Variants in LRRC49 observed in about 807,000 individuals in gnomAD.
LRRC49 encodes the protein leucine-rich repeat-containing protein 49.
LRRC49 carries 50 observed loss-of-function variants against 83.3 expected under a neutral mutation model. The observed-to-expected ratio is 0.60, with a 90% CI of 0.48 to 0.76. LRRC49 has a LOEUF of 0.76. LRRC49 is among the 30% of genes least tolerant of loss of function. LRRC49 has a pLI of 0.00. For synonymous variants in LRRC49, 286 were observed against 283.3 expected, an observed-to-expected ratio of 1.01 and a Z score of -0.10; for missense variants, 704 against 809.1, an observed-to-expected ratio of 0.87 and a Z score of 1.58.
chr15:70,883,783 T>C (rs1343735017), intron 2 of LRRC49, among the ~76,000 whole-genome samples: 1 of 151,786 alleles, frequency 6.6e-6, no homozygotes, highest in African/African-American at 2.4e-5. Flanking sequence ...GCCTCCCAAG[T>C]AGCTGGGATT....
intron 11 of LRRC49, among the ~76,000 whole-genome samples, chr15:70,988,545 G>A (rs1596106250): frequency 6.6e-6 from 1 of 152,062 alleles, no homozygotes; most frequent in East Asian, 1.9e-4. Context: ...CATGTGAGAT[G>A]GGTTTCCTGA....
Position 71,046,999 on chromosome 15 carries a change from C to T in LRRC49, c.1858-2410C>T, listed in dbSNP as rs538907487. Among the ~76,000 whole-genome samples, 146 of 152,120 alleles carry T rather than the reference C, an allele frequency of 9.6e-4. 1 individual carries two copies. Among genetic ancestry groups the T allele is most frequent in the African/African-American group, 3.3e-3 (136 of 41,514 alleles). On this transcript the variant is annotated intron_variant, in intron 15 of 15. Transcript: ENST00000260382. ...GCCCTGTTGAAGATCAGATGGTTTT[C>T]GGTGTGCAGCTTTATTTCTGAGTTT...
intron 2 of LRRC49, among the ~76,000 whole-genome samples, chr15:70,877,879 C>T (rs542242106): frequency 1.1e-4 from 17 of 152,266 alleles, no homozygotes; most frequent in African/African-American, 4.1e-4. Context: ...CCTGTAATCC[C>T]AGCACTTTGG....
In LRRC49 at chr15:71,051,984, T is replaced by C. The variant is rs1452225176; in HGVS notation, c.*2372T>C. On this transcript the variant is annotated 3_prime_UTR_variant, in exon 16 of 16. Coordinates refer to ENST00000260382, the MANE Select transcript of LRRC49 (RefSeq NM_017691.5). ...TTCTACTTCTTGAATCCTTACTTTGTCGGGTCTCAAACGTCGAATGGCGAT... is the reference window on the plus strand; with the variant it reads ...TTCTACTTCTTGAATCCTTACTTTGCCGGGTCTCAAACGTCGAATGGCGAT... The C allele has an allele frequency of 6.6e-6, 1 of 152,254 alleles. No homozygotes were observed. Among genetic ancestry groups the C allele is most frequent in the African/African-American group, 2.4e-5 (1 of 41,448 alleles). The allele number at this position is 152,254 out of a possible 1,614,324, so 9.4% of individuals were successfully genotyped here.
At chr15:70,984,764 A>T (rs1455437792) in intron 11 of LRRC49, among the ~76,000 whole-genome samples, 1 of 142,252 alleles carries the variant, frequency 7.0e-6, no homozygotes, top group Non-Finnish European at 1.5e-5. Context: ...TATCTCCTAA[A>T]GCTATCCCTC....
intron 6 of LRRC49, chr15:70,918,345 C>G (rs527693641): frequency 1.3e-5 from 2 of 152,388 alleles, no homozygotes; most frequent in African/African-American, 4.8e-5. Flanking sequence ...GCAAAGGTAC[C>G]ACTGGCCACA....
rs553026947 is a variant in LRRC49, at chr15:70,882,594, T to C, written c.18+9371T>C. The C allele has an allele frequency of 8.7e-6, 14 of 1,614,064 alleles. No homozygotes were observed. The Admixed American group carries it at 1.8e-4, about 21-fold the overall frequency. ...GAAGTTCTAGACCACAATTCCTCTGTCTGAGTAGTTGCATTACACAGTCTT... is the reference window on the plus strand; with the variant it reads ...GAAGTTCTAGACCACAATTCCTCTGCCTGAGTAGTTGCATTACACAGTCTT... On this transcript the variant is annotated intron_variant, in intron 2 of 16. Transcript: ENST00000544974.
intron 1 of LRRC49, chr15:70,860,172 G>A (rs1595964108): frequency 1.5e-6 from 1 of 672,574 alleles, no homozygotes; most frequent in Non-Finnish European, 2.7e-6. Flanking sequence ...AACAGACGCG[G>A]CAGCCCCTCC....
At chr15:70,924,381 T>C (rs2035119147) in intron 7 of LRRC49, among the ~76,000 whole-genome samples, 1 of 152,046 alleles carries the variant, frequency 6.6e-6, no homozygotes, top group South Asian at 2.1e-4. Flanking sequence ...ATTTTCCCTA[T>C]GTTTTTATTT....
chr15:71,048,291 C>T (rs2039915660), intron 15 of LRRC49, among the ~76,000 whole-genome samples: 2 of 151,572 alleles, frequency 1.3e-5, no homozygotes, highest in African/African-American at 2.4e-5. Flanking sequence ...GATGGGGTCT[C>T]GCTATGTTGC....
chr15:70,953,861 T>G (rs1374153486), intron 8 of LRRC49, among the ~76,000 whole-genome samples: 1 of 151,984 alleles, frequency 6.6e-6, no homozygotes, highest in Non-Finnish European at 1.5e-5. Flanking sequence ...TTCAAAGGAG[T>G]GACCTTCAAG....
intron 1 of LRRC49, among the ~76,000 whole-genome samples, chr15:70,870,325 A>G (rs1361601837): frequency 1.3e-5 from 2 of 152,246 alleles, no homozygotes; most frequent in Non-Finnish European, 2.9e-5. Flanking sequence ...GTATCACACT[A>G]GCTCAACTGT....
At chr15:70,864,096 G>A (rs1366474558) in intron 1 of LRRC49, among the ~76,000 whole-genome samples, 1 of 152,164 alleles carries the variant, frequency 6.6e-6, no homozygotes, top group Non-Finnish European at 1.5e-5. Flanking sequence ...ACACCAGGTG[G>A]TGACTAGCTA....
chr15:71,029,571 T>A (rs2039283182), intron 14 of LRRC49, among the ~76,000 whole-genome samples: 1 of 152,124 alleles, frequency 6.6e-6, no homozygotes, highest in Non-Finnish European at 1.5e-5. Flanking sequence ...ATCCTGAATA[T>A]CCTTGTTAAT....
intron 14 of LRRC49, among the ~76,000 whole-genome samples, chr15:71,015,280 G>A (rs1449468341): frequency 1.3e-5 from 2 of 152,116 alleles, no homozygotes; most frequent in East Asian, 1.9e-4. Context: ...GATATGCAGC[G>A]GCAGTCCTCA....
chr15:70,912,665 T>A (rs975536408), intron 6 of LRRC49, among the ~76,000 whole-genome samples: 11 of 151,368 alleles, frequency 7.3e-5, no homozygotes, highest in African/African-American at 1.5e-4. Flanking sequence ...TCTATATTTA[T>A]TTTATTTATT....
intron 9 of LRRC49, among the ~76,000 whole-genome samples, chr15:70,968,298 C>T (rs180723718): frequency 3.4e-4 from 51 of 152,198 alleles, no homozygotes; most frequent in Non-Finnish European, 5.3e-4. Context: ...CATCCATGTC[C>T]GTACAAAGGA....
intron 11 of LRRC49, among the ~76,000 whole-genome samples, chr15:71,005,277 G>A (rs2038417863): frequency 6.6e-6 from 1 of 151,804 alleles, no homozygotes; most frequent in Non-Finnish European, 1.5e-5. Context: ...TTTCCCCTCT[G>A]GAAGAATTAG....
At chr15:71,019,881 A>C (rs1359611156) in intron 14 of LRRC49, among the ~76,000 whole-genome samples, 3 of 152,226 alleles carry the variant, frequency 2.0e-5, no homozygotes, top group Non-Finnish European at 4.4e-5. Flanking sequence ...CCTCATGGCT[A>C]ATTTTTAAGG....
Sources: allele counts gnomAD v4.1 joint callset (sites outside exome capture counted in the v4.1 genomes callset), GRCh38; gene constraint gnomAD v4.1.1; transcripts MANE v1.5; gene names NCBI Gene and HGNC (gene_info 2026-07-23, HGNC 2026-07-21).